Variants in TBC1D5 observed in about 807,000 individuals in gnomAD.
TBC1D5 encodes TBC1 domain family member 5, also known as TBC1 domain family, member 5.
Under a neutral mutation model 100.3 loss-of-function variants are expected in TBC1D5, and 75 were observed. That is an observed-to-expected ratio of 0.75 (90% CI 0.62 to 0.91). The LOEUF (loss-of-function observed/expected upper bound fraction) is 0.91, where lower values mean the gene tolerates loss of function less well. TBC1D5 is among the 40% of genes least tolerant of loss of function. The pLI, the probability that TBC1D5 is intolerant of heterozygous loss-of-function variation, is 0.00. For synonymous variants in TBC1D5, 323 were observed against 325.6 expected (o/e 0.99, Z 0.09); for missense variants, 910 against 942.4 (o/e 0.97, Z 0.45).
At chr3:17,679,783 G>A (rs2069188964) in intron 1 of TBC1D5, among the ~76,000 whole-genome samples, 2 of 151,628 alleles carry the variant, frequency 1.3e-5, no homozygotes, top group South Asian at 2.1e-4. Context: ...ATATAGTGAA[G>A]TATTACTGAT....
intron 2 of TBC1D5, among the ~76,000 whole-genome samples, chr3:17,536,454 A>T (rs1004195423): frequency 6.6e-6 from 1 of 152,212 alleles, no homozygotes; most frequent in Non-Finnish European, 1.5e-5. Flanking sequence ...TACGTTCATA[A>T]TGTTGCTCCA....
At position 17,573,938 on chromosome 3, in the gene TBC1D5, A is replaced by C. The variant is rs576210853; in HGVS notation, c.-36+49911T>G. ...AATCATATTTTAACTCTGTTGATCC[A>C]GTACCGAGAACACTGCCACAGTACG... On this transcript the variant is annotated intron_variant, in intron 2 of 21. Coordinates refer to ENST00000253692, the Ensembl canonical transcript of TBC1D5. 2.0e-5 allele frequency among the ~76,000 whole-genome samples: 3 copies of C among 152,216 alleles called. No homozygotes were observed. The East Asian group carries it at 5.8e-4, about 29-fold the overall frequency.
intron 2 of TBC1D5, among the ~76,000 whole-genome samples, chr3:17,593,898 T>A (rs146937912): frequency 2.6e-5 from 4 of 152,130 alleles, no homozygotes; most frequent in African/African-American, 9.7e-5. Flanking sequence ...CGGCGTCTAA[T>A]ATATGGTACT....
intron 2 of TBC1D5, among the ~76,000 whole-genome samples, chr3:17,512,823 T>C (rs1329371586): frequency 2.0e-5 from 3 of 152,178 alleles, no homozygotes; most frequent in African/African-American, 7.2e-5. Context: ...TATGCTAAAA[T>C]TCCCATTTAA....
At chr3:17,531,323 G>C (rs1003672548) in intron 2 of TBC1D5, among the ~76,000 whole-genome samples, 3 of 151,938 alleles carry the variant, frequency 2.0e-5, no homozygotes, top group Admixed American at 6.6e-5. Context: ...CACTGCTCAA[G>C]GAAATAAAAA....
intron 1 of TBC1D5, among the ~76,000 whole-genome samples, chr3:17,696,194 A>G (rs1410049798): frequency 6.6e-6 from 1 of 152,140 alleles, no homozygotes; most frequent in Non-Finnish European, 1.5e-5. Flanking sequence ...AAAGAAATAG[A>G]GAAGGAAGAG....
chr3:17,666,418 T>C (rs1380192319), intron 1 of TBC1D5, among the ~76,000 whole-genome samples: 1 of 152,182 alleles, frequency 6.6e-6, no homozygotes, highest in African/African-American at 2.4e-5. Context: ...ACCTTTTATC[T>C]ATAAAGTAAC....
At chr3:17,483,017 T>C (rs1216996633) in intron 3 of TBC1D5, among the ~76,000 whole-genome samples, 2 of 152,310 alleles carry the variant, frequency 1.3e-5, no homozygotes, top group African/African-American at 2.4e-5. Context: ...AAAGGCCAGA[T>C]TGTGCATAAA....
chr3:17,199,270 T>C (rs939369707), intron 18 of TBC1D5, among the ~76,000 whole-genome samples: 2 of 152,020 alleles, frequency 1.3e-5, no homozygotes, highest in Admixed American at 1.3e-4. Flanking sequence ...AAGAAAACAA[T>C]CAATACCTCA....
intron 1 of TBC1D5, among the ~76,000 whole-genome samples, chr3:17,723,613 C>T (rs62245776): frequency 0.018 from 2,672 of 152,264 alleles, 32 homozygotes; most frequent in Non-Finnish European, 0.029. Flanking sequence ...TCTGCCAGTA[C>T]ACTCGTGGAT....
chr3:17,734,048 C>T (rs1229392144), intron 1 of TBC1D5, among the ~76,000 whole-genome samples: 1 of 152,092 alleles, frequency 6.6e-6, no homozygotes, highest in Non-Finnish European at 1.5e-5. Context: ...TCTTTTGACC[C>T]AGCAATTGTA....
intron 2 of TBC1D5, among the ~76,000 whole-genome samples, chr3:17,590,191 GTTTATATAAACAGAA>G (rs1215808350): frequency 1.3e-5 from 2 of 152,168 alleles, no homozygotes; most frequent in Admixed American, 1.3e-4. Flanking sequence ...GAGTTTTCCA[GTTTATATAAACAGAA>G]ATCTGGAGAA....
intron 4 of TBC1D5, among the ~76,000 whole-genome samples, chr3:17,412,483 T>G (rs942164147): frequency 6.6e-6 from 1 of 152,068 alleles, no homozygotes; most frequent in Admixed American, 6.6e-5. Context: ...ATCACAAATA[T>G]GAATGGTAGG....
intron 16 of TBC1D5, among the ~76,000 whole-genome samples, chr3:17,248,228 G>C (rs2076902560): frequency 6.6e-6 from 1 of 152,174 alleles, no homozygotes; most frequent in Admixed American, 6.5e-5. Flanking sequence ...CTGACCTCAG[G>C]TGATCTGCTC....
chr3:17,543,730 C>A (rs904537285), intron 2 of TBC1D5, among the ~76,000 whole-genome samples: 3 of 152,034 alleles, frequency 2.0e-5, no homozygotes, highest in Non-Finnish European at 2.9e-5. Flanking sequence ...AGGTATTATG[C>A]CTATATTCAG....
intron 1 of TBC1D5, among the ~76,000 whole-genome samples, chr3:17,681,490 A>C (rs1266075165): frequency 6.6e-6 from 1 of 151,552 alleles, no homozygotes; most frequent in Non-Finnish European, 1.5e-5. Flanking sequence ...CTATAGAAAA[A>C]AATTAACTTA....
intron 1 of TBC1D5, among the ~76,000 whole-genome samples, chr3:17,662,069 T>C (rs2066717159): frequency 1.3e-5 from 2 of 152,142 alleles, no homozygotes; most frequent in Admixed American, 6.5e-5. Context: ...TTTAAATTTT[T>C]TGTAGAGACA....
chr3:17,569,130 T>A (rs1199188996), intron 2 of TBC1D5, among the ~76,000 whole-genome samples: 2 of 151,862 alleles, frequency 1.3e-5, no homozygotes, highest in Non-Finnish European at 3.0e-5. Flanking sequence ...TTTATTTTCA[T>A]GTTATCCTAC....
chr3:17,218,894 T>C (rs532779403), intron 17 of TBC1D5, among the ~76,000 whole-genome samples: 3 of 126,726 alleles, frequency 2.4e-5, no homozygotes, highest in African/African-American at 8.9e-5. Context: ...GATCTGAGTT[T>C]ATCCTGCTTG....
Sources: allele counts gnomAD v4.1 joint callset (sites outside exome capture counted in the v4.1 genomes callset), GRCh38; gene constraint gnomAD v4.1.1; transcripts MANE v1.5; gene names NCBI Gene and HGNC (gene_info 2026-07-23, HGNC 2026-07-21).